Variants in PKM observed in about 807,000 individuals in gnomAD.
PKM encodes pyruvate kinase M1/2, also known as pyruvate kinase PKM.
Under a neutral mutation model 49.8 loss-of-function variants are expected in PKM, and 18 were observed. The ratio of observed to expected loss-of-function variants is 0.36; its 90% CI spans 0.25 to 0.54. The LOEUF (loss-of-function observed/expected upper bound fraction) is 0.54, where lower values mean the gene tolerates loss of function less well. Ranked by LOEUF, PKM falls within the 20% of genes least tolerant of loss-of-function variation. The pLI is 0.89. For synonymous variants in PKM, 239 were observed against 261.8 expected (o/e 0.91, Z 0.84); for missense variants, 508 against 713.8 (o/e 0.71, Z 3.28).
At chr15:72,212,116 T>C (rs776419012) in intron 3 of PKM, among the ~76,000 whole-genome samples, 20 of 152,204 alleles carry the variant, frequency 1.3e-4, no homozygotes, top group Admixed American at 2.6e-4. Flanking sequence ...GTCTGTTTTT[T>C]ATAGGGTTCC....
At chr15:72,219,729 G>A (rs781717495) in intron 1 of PKM, among the ~76,000 whole-genome samples, 3 of 152,196 alleles carry the variant, frequency 2.0e-5, no homozygotes, top group Non-Finnish European at 2.9e-5. Context: ...GTCAGGACAC[G>A]CAAAGCAATT....
chr15:72,199,672 A>G lies in PKM; in HGVS notation c.1574T>C (p.Met525Thr). 6.2e-7 allele frequency: 1 copy of G among 1,612,754 alleles called. No homozygotes were observed. Among genetic ancestry groups the G allele is most frequent in the Non-Finnish European group, 8.5e-7 (1 of 1,178,916 alleles). Residue 525 changes from methionine (M) to threonine (T), a missense_variant, in exon 11 of 11, where the codon ATG becomes ACG. Physicochemically the swap from Met to Thr is moderately conservative, Grantham distance 81 (BLOSUM62 -1). Coordinates refer to ENST00000335181, the MANE Select transcript of PKM (RefSeq NM_002654.6). ...WRPGSGFTNT[M>T]RVVPVP ...CCATCACGGCACAGGAACAACACGCATGGTGTTGGTGAAGCCGGAGCCAGG... is the reference window on the plus strand; with the variant it reads ...CCATCACGGCACAGGAACAACACGCGTGGTGTTGGTGAAGCCGGAGCCAGG...
At chr15:72,222,171 G>C (rs1398815277) in intron 1 of PKM, among the ~76,000 whole-genome samples, 1 of 152,050 alleles carries the variant, frequency 6.6e-6, no homozygotes, top group Non-Finnish European at 1.5e-5. Flanking sequence ...CTAATTTTTT[G>C]CCAATAAGTA....
intron 1 of PKM, among the ~76,000 whole-genome samples, chr15:72,219,844 G>C (rs948948279): frequency 2.0e-5 from 3 of 152,154 alleles, no homozygotes; most frequent in Non-Finnish European, 2.9e-5. Flanking sequence ...TAAAGTTGCT[G>C]GTCAAATCTT....
intron 1 of PKM, among the ~76,000 whole-genome samples, chr15:72,226,984 A>G (rs1165150847): frequency 5.9e-5 from 9 of 152,238 alleles, no homozygotes; most frequent in Admixed American, 5.9e-4. Flanking sequence ...AAGAGGCAGG[A>G]AGGCCCAGCA....
intron 3 of PKM, among the ~76,000 whole-genome samples, chr15:72,211,328 A>G (rs936390673): frequency 1.3e-5 from 2 of 152,068 alleles, no homozygotes; most frequent in East Asian, 3.9e-4. Context: ...CGGCCTCCCA[A>G]AGTGCTGGGA....
At position 72,221,066 on chromosome 15, in the gene PKM, ATT is replaced by A; in HGVS notation, c.-13-1958_-13-1957del. 3 of 734,280 alleles carry A rather than the reference ATT, an allele frequency of 4.1e-6. No individual in the cohort carries two copies. In the East Asian group the frequency reaches 8.0e-5, roughly 20 times the overall value. 45.5% of individuals were successfully genotyped at this position (734,280 alleles called of 1,614,324 possible). Reference sequence around the variant, plus strand: ...CTGAATAAGTGGGTTGGAGTAACTAATTCCACTCTTTTTAAAAACCATCAGCT... The same window carrying A: ...CTGAATAAGTGGGTTGGAGTAACTAACCACTCTTTTTAAAAACCATCAGCT... On this transcript the variant is annotated intron_variant, in intron 1 of 10. Transcript: ENST00000335181.
chr15:72,220,597 T>TCA (rs1252203560), intron 1 of PKM, among the ~76,000 whole-genome samples: 1 of 152,212 alleles, frequency 6.6e-6, no homozygotes, highest in Admixed American at 6.5e-5. Context: ...AATGCACTCT[T>TCA]CATTTCGATG....
intron 3 of PKM, among the ~76,000 whole-genome samples, chr15:72,215,031 TC>T (rs796637279): frequency 8.6e-5 from 13 of 151,958 alleles, no homozygotes; most frequent in African/African-American, 2.9e-4. Flanking sequence ...AAACCCCGTC[TC>T]TACTAAAAAT....
At chr15:72,224,880 C>A (rs1287010189) in intron 1 of PKM, among the ~76,000 whole-genome samples, 4 of 146,394 alleles carry the variant, frequency 2.7e-5, no homozygotes, top group Non-Finnish European at 4.5e-5. Context: ...AAAAAAAAAA[C>A]ACAAATAAAG....
rs2082096676 is a variant in PKM at position 72,206,897 on chromosome 15, C to A, written c.988-17G>T. The stretch of plus-strand genomic sequence containing the variant: ...CTCCAGCATCTGGGAGGGGACAGAG[C>A]ATTAGTGAGATGTAGCTTGAGCTGT... On this transcript the variant is annotated splice_polypyrimidine_tract_variant and intron_variant, in intron 7 of 10. Coordinates refer to ENST00000335181, the MANE Select transcript of PKM (RefSeq NM_002654.6). 1.9e-6 allele frequency: 3 copies of A among 1,613,708 alleles called. No homozygotes were observed. The highest frequency in any genetic ancestry group is 2.2e-5 in the East Asian group (1 of 44,898).
chr15:72,221,141 CT>C (rs1233428357), intron 1 of PKM: 2 of 1,296,020 alleles, frequency 1.5e-6, no homozygotes, highest in Admixed American at 3.9e-5. Flanking sequence ...AAAGACCTGG[CT>C]GGGGCCACTG....
intron 1 of PKM, among the ~76,000 whole-genome samples, chr15:72,230,459 CGACCA>C (rs1326319911): frequency 1.3e-5 from 2 of 151,962 alleles, no homozygotes; most frequent in Admixed American, 1.3e-4. Context: ...TGGGCGGGCG[CGACCA>C]GAGCAGAGAG....
chr15:72,228,376 CTTTTTTTT>C (rs10656443), intron 1 of PKM, among the ~76,000 whole-genome samples: 3 of 118,848 alleles, frequency 2.5e-5, no homozygotes, highest in Admixed American at 1.9e-4. Flanking sequence ...TTAGTTGTGG[CTTTTTTTT>C]TTTTTTTTTT....
intron 3 of PKM, among the ~76,000 whole-genome samples, chr15:72,214,236 T>C (rs1043282647): frequency 6.6e-6 from 1 of 152,248 alleles, no homozygotes; most frequent in African/African-American, 2.4e-5. Context: ...GTGGGGGTTT[T>C]TTTGGTGGCC....
chr15:72,209,693 GAAAT>G lies in PKM; in HGVS notation c.541_544del (p.Ile181LeufsTer4), dbSNP rs1240951302. 6 of 1,613,564 alleles carry G rather than the reference GAAAT, an allele frequency of 3.7e-6. No homozygotes were observed. The highest frequency in any genetic ancestry group is 5.1e-6 in the Non-Finnish European group (6 of 1,179,894). ...CGTACCTTTCTGCTTCACCTGGAGA[GAAAT>G]AAGCCCATCATCCACGTAGATCTTG... On this transcript the variant is annotated frameshift_variant, in exon 5 of 11. Coordinates refer to ENST00000335181, the MANE Select transcript of PKM (RefSeq NM_002654.6). LOFTEE classifies it high-confidence loss of function.
rs1240170629 is a variant in PKM at position 72,210,470 on chromosome 15, C to T, written c.255G>A (p.Ala85=). Reference sequence around the variant, plus strand: ...CTGTGCGCACATTCTTGATGGTCTCCGCATGGTACTGGGGGAAAAGAAGGA... The same window carrying T: ...CTGTGCGCACATTCTTGATGGTCTCTGCATGGTACTGGGGGAAAAGAAGGA... ...NFSHGTHEYH[A]ETIKNVRTAT... is the part of the protein sequence containing the mutation. Residue 85 remains alanine (A), a synonymous_variant, in exon 4 of 11, where the codon GCG becomes GCA. Transcript: ENST00000335181. 1.9e-6 allele frequency: 3 copies of T among 1,614,112 alleles called. No homozygotes were observed. Among genetic ancestry groups the T allele is most frequent in the East Asian group, 2.2e-5 (1 of 44,880 alleles).
At chr15:72,214,681 G>C (rs903232746) in intron 3 of PKM, among the ~76,000 whole-genome samples, 2 of 152,164 alleles carry the variant, frequency 1.3e-5, no homozygotes, top group Non-Finnish European at 2.9e-5. Flanking sequence ...TGTAATCTCA[G>C]ATACTTAGGA....
chr15:72,200,718 G>A lies in PKM; in HGVS notation c.1308-63C>T. The A allele has an allele frequency of 6.9e-7, 1 of 1,449,566 alleles. No individual in the cohort carries two copies. The highest frequency in any genetic ancestry group is 2.3e-5 in the East Asian group (1 of 43,796). The allele number at this position is 1,449,566 out of a possible 1,614,324, so 89.8% of individuals were successfully genotyped here. A position where few individuals can be genotyped will look rare whatever the true frequency, so the allele number is the denominator to read the frequency against. On this transcript the variant is annotated intron_variant, in intron 9 of 10. Transcript: ENST00000335181. The surrounding 1 kb of genome is among the most constrained non-coding windows in gnomAD (Gnocchi z 4.6). ...CACGAGGCCCCAGGAAGTACCCTCA[G>A]GGCGTTCAAACAGCTCACCCTCTCA...
Sources: gnomAD v4.1 joint callset for allele counts (sites outside exome capture counted in the v4.1 genomes callset) on GRCh38, gnomAD v4.1.1 for gene constraint, Gnocchi (gnomAD v3.1) non-coding constraint, MANE v1.5 for transcripts, NCBI Gene and HGNC (gene_info 2026-07-23, HGNC 2026-07-21) for gene names.